TCF7L1: variants seen among roughly 807,000 people sequenced by gnomAD.
TCF7L1 encodes transcription factor 7-like 1.
In TCF7L1, 18 loss-of-function variants were observed where a neutral mutation model predicts 63.7. The observed-to-expected ratio is 0.28, with a 90% CI of 0.20 to 0.42. The LOEUF (loss-of-function observed/expected upper bound fraction) is 0.42, where lower values mean the gene tolerates loss of function less well. Among genes scored for constraint, TCF7L1 ranks in the 10% least tolerant of loss-of-function variants. TCF7L1 has a pLI of 1.00. For synonymous variants in TCF7L1, 355 were observed against 340.9 expected, an observed-to-expected ratio of 1.04 and a Z score of -0.46; for missense variants, 654 against 779.3, an observed-to-expected ratio of 0.84 and a Z score of 1.91.
chr2:85,306,694 C>A lies in TCF7L1; in HGVS notation c.1257+135C>A. 1.3e-6 allele frequency: 1 copy of A among 748,282 alleles called. No homozygotes were observed. Among genetic ancestry groups the A allele is most frequent in the Non-Finnish European group, 2.1e-6 (1 of 477,758 alleles). The allele number at this position is 748,282 out of a possible 1,614,324, so 46.4% of individuals were successfully genotyped here. A position where few individuals can be genotyped will look rare whatever the true frequency, so the allele number is the denominator to read the frequency against. The stretch of plus-strand genomic sequence containing the variant: ...TTTATTTTTTGAGACAGAGGCTCAC[C>A]CTGTCACCCAGGCTGGAGTGCATGC... On this transcript the variant is annotated intron_variant, in intron 10 of 11. Coordinates refer to ENST00000282111, the MANE Select transcript of TCF7L1 (RefSeq NM_031283.3). This position sits in a 1 kb window ranked among gnomAD's most constrained non-coding sequence, Gnocchi z 4.3.
chr2:85,170,820 C>T (rs1280466639), intron 3 of TCF7L1, among the ~76,000 whole-genome samples: 1 of 152,174 alleles, frequency 6.6e-6, no homozygotes, highest in Non-Finnish European at 1.5e-5. Flanking sequence ...AGCCATTCCC[C>T]GACTGGAACC....
At chr2:85,198,463 G>A (rs991140960) in intron 3 of TCF7L1, among the ~76,000 whole-genome samples, 1 of 152,162 alleles carries the variant, frequency 6.6e-6, no homozygotes, top group Non-Finnish European at 1.5e-5. Context: ...AGTGTCCTCT[G>A]TTCTGAGCAT....
chr2:85,167,874 A>T (rs1048516578), intron 3 of TCF7L1, among the ~76,000 whole-genome samples: 12 of 152,184 alleles, frequency 7.9e-5, no homozygotes, highest in African/African-American at 2.9e-4. Context: ...AAAAAAATAA[A>T]CAAGGAGAAG....
intron 3 of TCF7L1, among the ~76,000 whole-genome samples, chr2:85,179,138 C>CT (rs1348677633): frequency 6.6e-6 from 1 of 152,188 alleles, no homozygotes. Context: ...CAAAAAGAGA[C>CT]TAATTGCCTT....
intron 3 of TCF7L1, among the ~76,000 whole-genome samples, chr2:85,179,849 T>A (rs1351401406): frequency 2.0e-5 from 3 of 152,176 alleles, no homozygotes; most frequent in African/African-American, 7.2e-5. Context: ...GAAAGAAATA[T>A]ATCCTTTCTC....
At chr2:85,174,264 T>G (rs1247222824) in intron 3 of TCF7L1, among the ~76,000 whole-genome samples, 4 of 152,210 alleles carry the variant, frequency 2.6e-5, no homozygotes, top group African/African-American at 9.7e-5. Flanking sequence ...TGTCTTTCAC[T>G]TAGCCTGGTG....
chr2:85,212,253 G>A (rs1679571107), intron 3 of TCF7L1, among the ~76,000 whole-genome samples: 1 of 152,126 alleles, frequency 6.6e-6, no homozygotes, highest in Admixed American at 6.5e-5. Flanking sequence ...TGTCTGGGCT[G>A]AGTGGGGCTG....
At chr2:85,253,369 G>A (rs914705771) in intron 3 of TCF7L1, among the ~76,000 whole-genome samples, 3 of 151,940 alleles carry the variant, frequency 2.0e-5, no homozygotes, top group Admixed American at 6.6e-5. Flanking sequence ...CAGGGGCGGG[G>A]GCGGGGAGGT....
intron 3 of TCF7L1, among the ~76,000 whole-genome samples, chr2:85,200,652 T>TAA (rs999101668): frequency 5.9e-5 from 9 of 152,200 alleles, no homozygotes; most frequent in Non-Finnish European, 1.0e-4. Context: ...TCAGCATCAC[T>TAA]AGTGGCACTT....
chr2:85,262,300 G>C (rs1162409836), intron 3 of TCF7L1: 1 of 549,534 alleles, frequency 1.8e-6, no homozygotes, highest in Non-Finnish European at 3.7e-6. Context: ...TCTGGCCCTG[G>C]CCATGGTATG....
intron 3 of TCF7L1, among the ~76,000 whole-genome samples, chr2:85,172,757 C>T (rs771332881): frequency 3.3e-5 from 5 of 152,136 alleles, no homozygotes; most frequent in Non-Finnish European, 5.9e-5. Context: ...TTCACAACTG[C>T]AGGCTTGCTC....
intron 3 of TCF7L1, among the ~76,000 whole-genome samples, chr2:85,178,109 T>TA (rs1186732917): frequency 6.6e-6 from 1 of 151,940 alleles, no homozygotes; most frequent in Non-Finnish European, 1.5e-5. Flanking sequence ...AAAAAAATGG[T>TA]ATGAGGTAGG....
chr2:85,279,829 A>T (rs1229026340), intron 3 of TCF7L1, among the ~76,000 whole-genome samples: 1 of 152,158 alleles, frequency 6.6e-6, no homozygotes, highest in Non-Finnish European at 1.5e-5. Context: ...CACTGTTCCC[A>T]GGACCACCTC....
At chr2:85,246,776 A>T (rs1224229651) in intron 3 of TCF7L1, among the ~76,000 whole-genome samples, 1 of 152,148 alleles carries the variant, frequency 6.6e-6, no homozygotes, top group South Asian at 2.1e-4. Flanking sequence ...TTTTTTTCTT[A>T]TCTCATGAAA....
chr2:85,218,647 G>T (rs1309275318), intron 3 of TCF7L1, among the ~76,000 whole-genome samples: 2 of 149,916 alleles, frequency 1.3e-5, no homozygotes, highest in South Asian at 2.2e-4. Flanking sequence ...AATGGGGGGG[G>T]GAAAACTGGT....
At chr2:85,279,890 G>A (rs1681370660) in intron 3 of TCF7L1, among the ~76,000 whole-genome samples, 1 of 152,162 alleles carries the variant, frequency 6.6e-6, no homozygotes, top group Admixed American at 6.5e-5. Context: ...TAAGGGGCCA[G>A]GTATCAGTGG....
chr2:85,260,203 A>G lies in TCF7L1; in HGVS notation c.442-23292A>G, dbSNP rs557904908. 2.6e-5 allele frequency among the ~76,000 whole-genome samples: 4 copies of G among 152,352 alleles called. No individual in the cohort carries two copies. In the South Asian group the frequency reaches 8.3e-4, roughly 32 times the overall value. On this transcript the variant is annotated intron_variant, in intron 3 of 11. Transcript: ENST00000282111. ...AGAAGAAATGATGATCATAGCTGAT[A>G]GCTGTCAAGTGCTTACAGCGAACCA...
chr2:85,164,032 G>A (rs1370911535), intron 3 of TCF7L1, among the ~76,000 whole-genome samples: 4 of 152,130 alleles, frequency 2.6e-5, no homozygotes, highest in African/African-American at 9.7e-5. Context: ...TGTTGGGGGT[G>A]TATGAGGGGG....
chr2:85,207,489 A>G (rs4831995), intron 3 of TCF7L1, among the ~76,000 whole-genome samples: 23,424 of 151,990 alleles, frequency 0.15, 2,025 homozygotes, highest in African/African-American at 0.2. Context: ...GCTGCCGGCT[A>G]GCTATCCCTC....
Sources: gnomAD v4.1 joint callset for allele counts (sites outside exome capture counted in the v4.1 genomes callset) on GRCh38, gnomAD v4.1.1 for gene constraint, Gnocchi (gnomAD v3.1) non-coding constraint, MANE v1.5 for transcripts, NCBI Gene and HGNC (gene_info 2026-07-23, HGNC 2026-07-21) for gene names.